Variants in SYNE1 observed in about 807,000 individuals in gnomAD.
The protein encoded by SYNE1 is spectrin repeat containing nuclear envelope protein 1.
In SYNE1, 616 loss-of-function variants were observed where a neutral mutation model predicts 1,111.0. That is an observed-to-expected ratio of 0.55 (90% CI 0.52 to 0.59). The LOEUF (loss-of-function observed/expected upper bound fraction) is 0.59. SYNE1 is among the 20% of genes least tolerant of loss of function. SYNE1 has a pLI of 0.00. For synonymous variants in SYNE1, 3,855 were observed against 3,825.8 expected (o/e 1.01, Z -0.28); for missense variants, 10,006 against 10,417.0 (o/e 0.96, Z 1.72).
In SYNE1 at chr6:152,437,006, A is replaced by G. The variant is rs891201836; in HGVS notation, c.4150-905T>C. On this transcript the variant is annotated intron_variant, in intron 32 of 145. Coordinates refer to ENST00000367255, the MANE Select transcript of SYNE1 (RefSeq NM_182961.4). ...AATGGGAAGACCTCCATCTCTAGGGAAAAAAAAAAAAGTGACCAGGCATGA... is the reference window on the plus strand; with the variant it reads ...AATGGGAAGACCTCCATCTCTAGGGGAAAAAAAAAAAGTGACCAGGCATGA... 1.8e-4 allele frequency among the ~76,000 whole-genome samples: 25 copies of G among 142,728 alleles called. 1 individual carries two copies. The highest frequency in any genetic ancestry group is 3.6e-3 in the Middle Eastern group (1 of 276). The allele number at this position is 142,728 out of a possible 152,430, so 93.6% of individuals were successfully genotyped here.
At chr6:152,525,712 T>C (rs1283858653) in intron 5 of SYNE1, among the ~76,000 whole-genome samples, 1 of 152,196 alleles carries the variant, frequency 6.6e-6, no homozygotes, top group Non-Finnish European at 1.5e-5. Flanking sequence ...TGGACCAACA[T>C]TTCTTTCTAA....
chr6:152,450,995 T>A, intron 26 of SYNE1, 52 bp downstream of exon 26: 1 of 1,612,708 alleles, frequency 6.2e-7, no homozygotes, highest in Non-Finnish European at 8.5e-7. Context: ...ATATCCTTTA[T>A]GGAACAATGT....
At chr6:152,253,635 C>T (rs141943047) in intron 104 of SYNE1, among the ~76,000 whole-genome samples, 107 of 151,842 alleles carry the variant, frequency 7.0e-4, no homozygotes, top group African/African-American at 9.9e-4. Context: ...TGCAGGATGT[C>T]GCAAAGATTA....
At chr6:152,376,953 T>A in intron 56 of SYNE1, 41 bp from the exon 57 acceptor site, 1 of 1,610,340 alleles carries the variant, frequency 6.2e-7, no homozygotes, top group Non-Finnish European at 8.5e-7. Flanking sequence ...GCACTTACAT[T>A]GGGTGATCTC....
Position 152,321,308 on chromosome 6 carries a change from T to C in SYNE1, c.16166A>G (p.Tyr5389Cys). 6.2e-7 allele frequency: 1 copy of C among 1,613,968 alleles called. No individual in the cohort carries two copies. The highest frequency in any genetic ancestry group is 8.5e-7 in the Non-Finnish European group (1 of 1,179,912). Residue 5389 changes from tyrosine to cysteine, a missense_variant, in exon 84 of 146, where the codon TAT becomes TGT. By Grantham distance (194) the Tyr-to-Cys change is radical (BLOSUM62 -2). Transcript: ENST00000367255. ...GGAGAGTTCAGAAGGTAATATGGTATAAAGACCTAAGTACTTCTCCTTCTG... is the reference window on the plus strand; with the variant it reads ...GGAGAGTTCAGAAGGTAATATGGTACAAAGACCTAAGTACTTCTCCTTCTG... Reference protein sequence around the residue: ...EEQKEKYLGLYTILPSELSLQ... With the variant: ...EEQKEKYLGLCTILPSELSLQ...
intron 75 of SYNE1, among the ~76,000 whole-genome samples, chr6:152,338,041 G>C (rs1013765118): frequency 1.3e-5 from 2 of 152,034 alleles, no homozygotes; most frequent in African/African-American, 2.4e-5. Flanking sequence ...CCAGCTACTC[G>C]GGAGGTTGAG....
intron 101 of SYNE1, 45 bp from the exon 102 acceptor site, chr6:152,256,810 G>A (rs777187363): frequency 6.2e-7 from 1 of 1,609,104 alleles, no homozygotes. Context: ...TATGCATTAT[G>A]TCCCAGTATT....
At chr6:152,450,883 C>T (rs753147274) in intron 26 of SYNE1, 50 bp from the exon 27 acceptor site, 1 of 1,599,418 alleles carries the variant, frequency 6.3e-7, no homozygotes, top group South Asian at 1.1e-5. Flanking sequence ...CCACACAGTA[C>T]TTCTACATTT....
At chr6:152,568,389 A>G (rs1156684375) in intron 3 of SYNE1, among the ~76,000 whole-genome samples, 2 of 134,244 alleles carry the variant, frequency 1.5e-5, no homozygotes, top group African/African-American at 5.7e-5. Flanking sequence ...TGCAACCTCT[A>G]CCTCCTGGGT....
Position 152,331,667 on chromosome 6 carries a change from C to A in SYNE1, c.13018G>T (p.Val4340Phe), listed in dbSNP as rs1409789046. 6.2e-7 allele frequency: 1 copy of A among 1,614,188 alleles called. No homozygotes were observed. Among genetic ancestry groups the A allele is most frequent in the Non-Finnish European group, 8.5e-7 (1 of 1,180,032 alleles). The change falls in exon 78 of 146, where the codon GTC (valine) becomes TTC (phenylalanine). Residue 4340 changes from valine (V) to phenylalanine (F), a missense_variant. Transcript: ENST00000367255. ...ACATTTAACTCCTCCAAGTTGGTGA[C>A]TGACACTTGGATTTTCCTTTTAATG... is the stretch of plus-strand genomic sequence containing the variant. ...DLIKRKIQVS[V>F]TNLEELNVVQ...
intron 3 of SYNE1, among the ~76,000 whole-genome samples, chr6:152,540,308 G>C (rs1298538102): frequency 1.3e-5 from 2 of 152,112 alleles, no homozygotes; most frequent in Non-Finnish European, 2.9e-5. Flanking sequence ...CTTCAACAAA[G>C]CTGTTAAAAA....
intron 3 of SYNE1, among the ~76,000 whole-genome samples, chr6:152,625,423 C>T (rs1445281471): frequency 1.3e-5 from 2 of 152,236 alleles, no homozygotes; most frequent in Non-Finnish European, 2.9e-5. Flanking sequence ...CTTTCACTTC[C>T]TGCCATTTCA....
intron 4 of SYNE1, among the ~76,000 whole-genome samples, chr6:152,535,455 C>G (rs540110619): frequency 1.3e-5 from 2 of 152,184 alleles, no homozygotes; most frequent in South Asian, 2.1e-4. Context: ...AAATTTTAGG[C>G]TGACAGAAGG....
intron 42 of SYNE1, among the ~76,000 whole-genome samples, chr6:152,409,925 A>G (rs1030009953): frequency 6.6e-6 from 1 of 152,248 alleles, no homozygotes; most frequent in African/African-American, 2.4e-5. Context: ...CCACTGAAAC[A>G]AAATCTATGA....
chr6:152,259,341 G>A (rs1188307799), intron 101 of SYNE1, among the ~76,000 whole-genome samples: 1 of 152,036 alleles, frequency 6.6e-6, no homozygotes, highest in Non-Finnish European at 1.5e-5. Context: ...AGCAGGAGCT[G>A]TATTTCACCC....
intron 11 of SYNE1, among the ~76,000 whole-genome samples, chr6:152,493,251 C>G (rs942623036): frequency 2.0e-5 from 3 of 151,972 alleles, no homozygotes; most frequent in Non-Finnish European, 4.4e-5. Context: ...GGATCTTCAC[C>G]TTATCAAAAA....
chr6:152,572,567 CCGCCCAA>C (rs2099468148), intron 3 of SYNE1, among the ~76,000 whole-genome samples: 1 of 152,072 alleles, frequency 6.6e-6, no homozygotes, highest in African/African-American at 2.4e-5. Flanking sequence ...AGTCTATGAC[CCGCCCAA>C]CGTCACAAAA....
At chr6:152,177,426 C>T (rs1179111367) in intron 129 of SYNE1, among the ~76,000 whole-genome samples, 1 of 152,124 alleles carries the variant, frequency 6.6e-6, no homozygotes, top group Non-Finnish European at 1.5e-5. Context: ...GGCTTAAGCT[C>T]CTGTTACGTA....
intron 44 of SYNE1, 135 bp downstream of exon 44, chr6:152,408,933 A>G: frequency 1.1e-6 from 1 of 879,306 alleles, no homozygotes; most frequent in Non-Finnish European, 1.7e-6. Flanking sequence ...CAGCCTGGGC[A>G]ACAAGAGTGA....
Sources: gnomAD v4.1 joint callset for allele counts (sites outside exome capture counted in the v4.1 genomes callset) on GRCh38, gnomAD v4.1.1 for gene constraint, MANE v1.5 for transcripts, NCBI Gene and HGNC (gene_info 2026-07-23, HGNC 2026-07-21) for gene names.